Variants in OTULIN observed in about 807,000 individuals in gnomAD.
The protein encoded by OTULIN is ubiquitin thioesterase otulin.
OTULIN carries 15 observed loss-of-function variants against 39.6 expected under a neutral mutation model. The ratio of observed to expected loss-of-function variants is 0.38; its 90% CI spans 0.25 to 0.58. The LOEUF is 0.58. Ranked by LOEUF, OTULIN falls within the 20% of genes least tolerant of loss-of-function variation. OTULIN has a pLI of 0.66. For synonymous variants in OTULIN, 156 were observed against 170.3 expected (o/e 0.92, Z 0.65); for missense variants, 319 against 445.9 (o/e 0.72, Z 2.56).
chr5:14,701,967 A>G (rs918930095), downstream of OTULIN, among the ~76,000 whole-genome samples: 2 of 152,202 alleles, frequency 1.3e-5, no homozygotes, highest in East Asian at 1.9e-4. Flanking sequence ...GCAGAATTCT[A>G]GGAGATGTCA....
At position 14,689,077 on chromosome 5, in the gene OTULIN, G is replaced by GT. The variant is rs1736457530; in HGVS notation, c.595-956dup. Among the ~76,000 whole-genome samples the GT allele has an allele frequency of 2.0e-5, 3 of 152,274 alleles. No homozygotes were observed. In the South Asian group the frequency reaches 6.2e-4, roughly 32 times the overall value. ...AGGTGGTGTCGCTGTGGTCATCACT[G>GT]TTTTTTAGGTGAGGAAACTAAGGCC... On this transcript the variant is annotated intron_variant, in intron 5 of 6. Transcript: ENST00000284274.
chr5:14,704,024 T>C (rs1436176029), downstream of OTULIN, among the ~76,000 whole-genome samples: 1 of 152,084 alleles, frequency 6.6e-6, no homozygotes, highest in African/African-American at 2.4e-5. Context: ...GGTTAAAACA[T>C]GATGCTTTAA....
At position 14,664,919 on chromosome 5, in the gene OTULIN, G is replaced by T. The variant is rs2126808858; in HGVS notation, c.94G>T (p.Gly32Cys). ...AREAAATARD[G>C]GKAAASGQPR... Reference sequence around the variant, plus strand: ...GGAGGCGGCGGCCACGGCGCGGGACGGCGGGAAGGCGGCGGCCAGCGGGCA... The same window carrying T: ...GGAGGCGGCGGCCACGGCGCGGGACTGCGGGAAGGCGGCGGCCAGCGGGCA... Residue 32 changes from glycine to cysteine, a missense_variant, in exon 1 of 7, where the codon GGC (glycine) becomes TGC (cysteine). Transcript: ENST00000284274. 1 of 1,174,090 alleles carries T rather than the reference G, an allele frequency of 8.5e-7. No homozygotes were observed. The highest frequency in any genetic ancestry group is 1.1e-6 in the Non-Finnish European group (1 of 951,550). 72.7% of individuals were successfully genotyped at this position (1,174,090 alleles called of 1,614,324 possible). A position where few individuals can be genotyped will look rare whatever the true frequency, so the allele number is the denominator to read the frequency against.
intron 4 of OTULIN, among the ~76,000 whole-genome samples, chr5:14,682,479 A>G (rs569484301): frequency 1.3e-5 from 2 of 152,178 alleles, no homozygotes; most frequent in Non-Finnish European, 2.9e-5. Context: ...TTTACCAACA[A>G]AATATTTTTA....
intron 3 of OTULIN, among the ~76,000 whole-genome samples, chr5:14,679,614 T>G (rs1408636447): frequency 1.3e-5 from 2 of 152,216 alleles, no homozygotes; most frequent in Non-Finnish European, 2.9e-5. Context: ...ATCTTTAACT[T>G]TTTTTGGTTA....
chr5:14,676,257 AT>A (rs1324674913), intron 2 of OTULIN, among the ~76,000 whole-genome samples: 2 of 151,940 alleles, frequency 1.3e-5, no homozygotes, highest in South Asian at 2.1e-4. Flanking sequence ...TCTATTTTTT[AT>A]TTTTTTGCCA....
chr5:14,693,068 G>T lies in OTULIN; in HGVS notation c.*20G>T, dbSNP rs748478022. 9.5e-5 allele frequency: 150 copies of T among 1,580,020 alleles called. 1 individual carries two copies. The highest frequency in any genetic ancestry group is 2.5e-5 in the Non-Finnish European group (29 of 1,159,052). On this transcript the variant is annotated 3_prime_UTR_variant, in exon 7 of 7. Transcript: ENST00000284274. ...CTATGAGAGACGCATGCTCCTGACA[G>T]CCTGGCGACGTGGCGAAGATGCACA...
At chr5:14,702,101 G>A (rs1736808533), downstream of OTULIN, among the ~76,000 whole-genome samples, 1 of 152,222 alleles carries the variant, frequency 6.6e-6, no homozygotes, top group Admixed American at 6.5e-5. Flanking sequence ...TGGGACTGAA[G>A]AGGAAAAGGA....
At position 14,692,835 on chromosome 5, in the gene OTULIN, C is replaced by T. The variant is rs777509554; in HGVS notation, c.865-19C>T. 1.7e-5 allele frequency: 27 copies of T among 1,610,016 alleles called. No individual in the cohort carries two copies. Among genetic ancestry groups the T allele is most frequent in the Admixed American group, 5.0e-5 (3 of 59,948 alleles). On this transcript the variant is annotated intron_variant, in intron 6 of 6. Transcript: ENST00000284274. ...TCAGTGTGATCTTCCTCAGAATACC[C>T]GTTTGCTCTTCTTCCCAGGTTGAAA...
At chr5:14,716,397 CAGG>C in the OTULIN span, among the ~76,000 whole-genome samples, 163 of 152,238 alleles carry the variant, frequency 1.1e-3, 2 homozygotes, top group Non-Finnish European at 2.1e-3. Flanking sequence ...GGAGGCTGAA[CAGG>C]AGAAGTGCTT....
intron 2 of OTULIN, among the ~76,000 whole-genome samples, chr5:14,676,632 C>T (rs1299821958): frequency 6.6e-6 from 1 of 152,212 alleles, no homozygotes; most frequent in Admixed American, 6.5e-5. Flanking sequence ...CTGTCCAGGT[C>T]TTGTCTTGGT....
chr5:14,667,146 A>C (rs1735869891), intron 1 of OTULIN, among the ~76,000 whole-genome samples: 1 of 152,234 alleles, frequency 6.6e-6, no homozygotes, highest in Non-Finnish European at 1.5e-5. Context: ...AGTCATTTTT[A>C]ATACATTCAG....
downstream of OTULIN, among the ~76,000 whole-genome samples, chr5:14,704,070 G>T (rs990396010): frequency 1.3e-5 from 2 of 152,042 alleles, no homozygotes; most frequent in African/African-American, 4.8e-5. Flanking sequence ...GGTGGCTCAC[G>T]CCTGTAATCC....
chr5:14,687,806 CT>C, intron 5 of OTULIN, 160 bp downstream of exon 5: 1 of 825,334 alleles, frequency 1.2e-6, no homozygotes, highest in Non-Finnish European at 1.8e-6. Flanking sequence ...CCCACGAGGG[CT>C]TTAGTAAAAT....
At chr5:14,679,924 C>T (rs1400602828) in intron 3 of OTULIN, among the ~76,000 whole-genome samples, 1 of 72,546 alleles carries the variant, frequency 1.4e-5, no homozygotes, top group African/African-American at 3.1e-5. Context: ...TGGTCACTTG[C>T]AGATTTTCCA....
chr5:14,693,101 C>A lies in OTULIN; in HGVS notation c.*53C>A. ...ACGTGGCGAAGATGCACAGGTGGCT[C>A]CTGGGCTTGGGCTGCAGGTTTGGGG... On this transcript the variant is annotated 3_prime_UTR_variant, in exon 7 of 7. Coordinates refer to ENST00000284274, the MANE Select transcript of OTULIN (RefSeq NM_138348.6). 6.6e-7 allele frequency: 1 copy of A among 1,518,680 alleles called. No homozygotes were observed. Among genetic ancestry groups the A allele is most frequent in the South Asian group, 1.2e-5 (1 of 81,484 alleles). The allele number at this position is 1,518,680 out of a possible 1,614,324, so 94.1% of individuals were successfully genotyped here.
chr5:14,669,370 AAAG>A (rs1223504161), intron 1 of OTULIN, among the ~76,000 whole-genome samples: 4 of 110,346 alleles, frequency 3.6e-5, no homozygotes, highest in African/African-American at 2.3e-4. Context: ...CGTCTCAAAA[AAAG>A]AAAATAGGTA....
the OTULIN span, among the ~76,000 whole-genome samples, chr5:14,714,094 C>T: frequency 6.6e-6 from 1 of 152,264 alleles, no homozygotes; most frequent in Non-Finnish European, 1.5e-5. Flanking sequence ...TCTTCCCTGC[C>T]TGCGGTCAGA....
chr5:14,708,629 G>A, the OTULIN span: 1 of 152,252 alleles, frequency 6.6e-6, no homozygotes, highest in Non-Finnish European at 1.5e-5. Context: ...TTGCCTCAAA[G>A]TTGTTAGGCT....
Sources: gnomAD v4.1 joint callset for allele counts (sites outside exome capture counted in the v4.1 genomes callset) on GRCh38, gnomAD v4.1.1 for gene constraint, MANE v1.5 for transcripts, NCBI Gene and HGNC (gene_info 2026-07-23, HGNC 2026-07-21) for gene names.